FAF1: variants seen among roughly 807,000 people sequenced by gnomAD.
FAF1 encodes Fas associated factor 1, also known as FAS-associated factor 1.
FAF1 carries 25 observed loss-of-function variants against 92.5 expected under a neutral mutation model. The observed-to-expected ratio is 0.27, with a 90% CI of 0.20 to 0.38. The LOEUF (loss-of-function observed/expected upper bound fraction) is 0.38. Among genes scored for constraint, FAF1 ranks in the 10% least tolerant of loss-of-function variants. The pLI is 1.00. For synonymous variants in FAF1, 234 were observed against 273.2 expected (o/e 0.86, Z 1.42); for missense variants, 636 against 793.3 (o/e 0.80, Z 2.38).
chr1:50,656,742 G>A (rs1345987447), intron 7 of FAF1, among the ~76,000 whole-genome samples: 1 of 152,044 alleles, frequency 6.6e-6, no homozygotes, highest in Non-Finnish European at 1.5e-5. Flanking sequence ...AATTAGCCAG[G>A]TGTGGTGGTG....
chr1:50,739,891 C>A lies in FAF1; in HGVS notation c.460-937G>T, dbSNP rs80134023. Among the ~76,000 whole-genome samples, 445 of 152,162 alleles carry A rather than the reference C, an allele frequency of 2.9e-3. 12 individuals carry two copies. The East Asian group carries it at 0.064, about 22-fold the overall frequency. On this transcript the variant is annotated intron_variant, in intron 5 of 18. Transcript: ENST00000396153. ...AAATTTCATTCACCAAATTTCTTTG[C>A]CAGAAAATTCACATACATTTCAAAC...
chr1:50,851,410 G>A (rs1644348210), intron 2 of FAF1, among the ~76,000 whole-genome samples: 1 of 152,170 alleles, frequency 6.6e-6, no homozygotes, highest in Non-Finnish European at 1.5e-5. Context: ...AAGTCGTTAA[G>A]CAGCATATGC....
At chr1:50,881,693 T>C (rs1375907374) in intron 1 of FAF1, among the ~76,000 whole-genome samples, 1 of 152,056 alleles carries the variant, frequency 6.6e-6, no homozygotes, top group Non-Finnish European at 1.5e-5. Flanking sequence ...GTTTTCCATA[T>C]AGCAAAAAAA....
chr1:50,674,773 T>C (rs1413548120), intron 7 of FAF1, among the ~76,000 whole-genome samples: 2 of 152,186 alleles, frequency 1.3e-5, no homozygotes, highest in Admixed American at 1.3e-4. Flanking sequence ...TCCCCAACAT[T>C]ATCACTCATG....
At chr1:50,683,635 T>C (rs1261811632) in intron 7 of FAF1, among the ~76,000 whole-genome samples, 2 of 151,658 alleles carry the variant, frequency 1.3e-5, no homozygotes, top group East Asian at 3.9e-4. Flanking sequence ...AATATAGTAA[T>C]TTTTTAAATG....
At chr1:50,707,480 C>T (rs1657728630) in intron 6 of FAF1, among the ~76,000 whole-genome samples, 1 of 152,088 alleles carries the variant, frequency 6.6e-6, no homozygotes, top group Admixed American at 6.5e-5. Context: ...GGGTGGATTG[C>T]CTGGACTCAG....
At position 50,738,960 on chromosome 1, in the gene FAF1, A is replaced by G. The variant is rs1334799330; in HGVS notation, c.460-6T>C. 3 of 1,555,538 alleles carry G rather than the reference A, an allele frequency of 1.9e-6. No individual in the cohort carries two copies. Among genetic ancestry groups the G allele is most frequent in the South Asian group, 1.2e-5 (1 of 83,768 alleles). ...TGTAGAGATTTTAGGACCGTCTGAA[A>G]AAGAAAAAACACAGCAAAAAATGAA... On this transcript the variant is annotated splice_region_variant and splice_polypyrimidine_tract_variant and intron_variant, in intron 5 of 18. Transcript: ENST00000396153.
At chr1:50,651,452 A>G (rs4926866) in intron 8 of FAF1, among the ~76,000 whole-genome samples, 9,568 of 152,222 alleles carry the variant, frequency 0.063, 427 homozygotes, top group Non-Finnish European at 0.098. Flanking sequence ...TGGTATTTTC[A>G]TAAATTCACA....
chr1:50,790,033 C>T (rs1330847537), intron 3 of FAF1, among the ~76,000 whole-genome samples: 3 of 152,108 alleles, frequency 2.0e-5, no homozygotes, highest in Non-Finnish European at 4.4e-5. Flanking sequence ...CAACTCAGGG[C>T]ACTAGGTCTA....
At chr1:50,649,545 T>C (rs1654759758) in intron 8 of FAF1, among the ~76,000 whole-genome samples, 1 of 152,168 alleles carries the variant, frequency 6.6e-6, no homozygotes, top group Non-Finnish European at 1.5e-5. Context: ...GCTTTCTGAA[T>C]CCTAACACAC....
intron 6 of FAF1, among the ~76,000 whole-genome samples, chr1:50,717,125 G>A (rs1236412368): frequency 6.6e-6 from 1 of 152,210 alleles, no homozygotes; most frequent in Non-Finnish European, 1.5e-5. Context: ...CTTGGAGTCA[G>A]CGAGAACAAG....
At chr1:50,685,587 G>A (rs1159915387) in intron 7 of FAF1, among the ~76,000 whole-genome samples, 11 of 152,174 alleles carry the variant, frequency 7.2e-5, no homozygotes, top group Admixed American at 7.2e-4. Context: ...AAGAATAGTT[G>A]ACTATCAAGT....
At chr1:50,826,801 A>T (rs2124627281) in intron 2 of FAF1, among the ~76,000 whole-genome samples, 1 of 152,326 alleles carries the variant, frequency 6.6e-6, no homozygotes, top group South Asian at 2.1e-4. Flanking sequence ...AAAATAGAAA[A>T]ATCAGTTTAG....
At chr1:50,806,694 T>A (rs916419115) in intron 2 of FAF1, among the ~76,000 whole-genome samples, 1 of 151,746 alleles carries the variant, frequency 6.6e-6, no homozygotes, top group East Asian at 1.9e-4. Flanking sequence ...ACCTCAAGAG[T>A]CCAGACAAGA....
At chr1:50,759,513 G>A (rs1366911729) in intron 4 of FAF1, among the ~76,000 whole-genome samples, 3 of 151,816 alleles carry the variant, frequency 2.0e-5, no homozygotes, top group Admixed American at 6.6e-5. Flanking sequence ...AGTATTCCAT[G>A]GTGTATATGT....
At chr1:50,849,414 C>T (rs897442092) in intron 2 of FAF1, among the ~76,000 whole-genome samples, 1 of 152,122 alleles carries the variant, frequency 6.6e-6, no homozygotes, top group Non-Finnish European at 1.5e-5. Context: ...AGTTCCTTTA[C>T]ATTTTTAGAT....
chr1:50,881,159 A>T (rs951328612), intron 1 of FAF1, among the ~76,000 whole-genome samples: 3 of 152,168 alleles, frequency 2.0e-5, no homozygotes, highest in Non-Finnish European at 4.4e-5. Flanking sequence ...ATTTTGCTAA[A>T]ACTTAAAAGT....
chr1:50,803,461 C>T (rs976452416), intron 2 of FAF1, among the ~76,000 whole-genome samples: 3 of 152,064 alleles, frequency 2.0e-5, no homozygotes, highest in African/African-American at 4.8e-5. Context: ...CTGTGTAATA[C>T]GTAATTGTAT....
intron 2 of FAF1, among the ~76,000 whole-genome samples, chr1:50,828,294 A>C (rs1438894034): frequency 6.9e-6 from 1 of 145,404 alleles, no homozygotes; most frequent in Non-Finnish European, 1.5e-5. Context: ...TTTGAGACGG[A>C]GTCTCAGTCT....
Sources: gnomAD v4.1 joint callset for allele counts (sites outside exome capture counted in the v4.1 genomes callset) on GRCh38, gnomAD v4.1.1 for gene constraint, MANE v1.5 for transcripts, NCBI Gene and HGNC (gene_info 2026-07-23, HGNC 2026-07-21) for gene names.